Variants in CDK14 observed in about 807,000 individuals in gnomAD.
CDK14 encodes the protein cyclin dependent kinase 14.
CDK14 carries 34 observed loss-of-function variants against 60.7 expected under a neutral mutation model. That is an observed-to-expected ratio of 0.56 (90% CI 0.43 to 0.75). The LOEUF (loss-of-function observed/expected upper bound fraction) is 0.75. CDK14 is among the 30% of genes least tolerant of loss of function. The pLI is 0.00. For missense variants in CDK14, 482 were observed against 564.1 expected, an observed-to-expected ratio of 0.85 and a Z score of 1.47; for synonymous variants, 197 against 203.7, an observed-to-expected ratio of 0.97 and a Z score of 0.28.
chr7:91,188,130 C>A (rs1045161253), intron 14 of CDK14, among the ~76,000 whole-genome samples: 15 of 152,120 alleles, frequency 9.9e-5, no homozygotes, highest in African/African-American at 3.6e-4. Flanking sequence ...ACTTCTGTAC[C>A]ATCGCTATCT....
intron 9 of CDK14, among the ~76,000 whole-genome samples, chr7:90,971,150 G>T (rs932755005): frequency 8.7e-6 from 1 of 115,340 alleles, no homozygotes. Flanking sequence ...GTGAGAACAT[G>T]TGGTTTTTTT....
intron 2 of CDK14, among the ~76,000 whole-genome samples, chr7:90,623,695 T>C (rs1340639428): frequency 6.6e-6 from 1 of 152,200 alleles, no homozygotes; most frequent in Non-Finnish European, 1.5e-5. Flanking sequence ...ACTTTCCCCT[T>C]GAGCATCCTG....
At chr7:91,097,479 A>G (rs1799027177) in intron 12 of CDK14, among the ~76,000 whole-genome samples, 1 of 152,158 alleles carries the variant, frequency 6.6e-6, no homozygotes, top group Non-Finnish European at 1.5e-5. Flanking sequence ...GAGTTAATAT[A>G]TCTAATTGAT....
chr7:90,846,566 A>T (rs1347722697), intron 5 of CDK14, among the ~76,000 whole-genome samples: 1 of 152,150 alleles, frequency 6.6e-6, no homozygotes, highest in African/African-American at 2.4e-5. Flanking sequence ...CTAAAATGGG[A>T]AAAACATATC....
intron 14 of CDK14, among the ~76,000 whole-genome samples, chr7:91,124,686 T>G (rs1584095850): frequency 6.6e-6 from 1 of 152,122 alleles, no homozygotes; most frequent in South Asian, 2.1e-4. Context: ...GGAATAGCAC[T>G]TGCATCTTCT....
intron 11 of CDK14, among the ~76,000 whole-genome samples, chr7:91,052,967 A>C (rs1249974801): frequency 6.6e-6 from 1 of 152,096 alleles, no homozygotes; most frequent in Non-Finnish European, 1.5e-5. Context: ...GAATGTTTAC[A>C]TACGGACTTA....
chr7:91,012,514 T>G (rs1358509188), intron 10 of CDK14, among the ~76,000 whole-genome samples: 2 of 151,920 alleles, frequency 1.3e-5, no homozygotes, highest in African/African-American at 2.4e-5. Flanking sequence ...ACTCAGGGAG[T>G]TTTTCAGACT....
chr7:90,966,431 G>A lies in CDK14; in HGVS notation c.947+10614G>A, dbSNP rs563299707. 9.2e-5 allele frequency among the ~76,000 whole-genome samples: 14 copies of A among 152,282 alleles called. No individual in the cohort carries two copies. The East Asian group carries it at 2.7e-3, about 29-fold the overall frequency. On this transcript the variant is annotated intron_variant, in intron 9 of 14. Coordinates refer to ENST00000380050, the MANE Select transcript of CDK14 (RefSeq NM_001287135.2). ...CATAGAGCTAAACTTCTGGTTGGGAGATCCTCAGATGTCAGTATCTGAAGG... is the reference window on the plus strand; with the variant it reads ...CATAGAGCTAAACTTCTGGTTGGGAAATCCTCAGATGTCAGTATCTGAAGG...
At position 91,209,310 on chromosome 7, in the gene CDK14, T is replaced by C. The variant is rs1458751578; in HGVS notation, c.*2174T>C. The C allele has an allele frequency of 6.6e-6, 1 of 152,204 alleles. No individual in the cohort carries two copies. Among genetic ancestry groups the C allele is most frequent in the African/African-American group, 2.4e-5 (1 of 41,458 alleles). 9.4% of individuals were successfully genotyped at this position (152,204 alleles called of 1,614,324 possible). A position where few individuals can be genotyped will look rare whatever the true frequency, so the allele number is the denominator to read the frequency against. On this transcript the variant is annotated 3_prime_UTR_variant, in exon 15 of 15. Coordinates refer to ENST00000380050, the MANE Select transcript of CDK14 (RefSeq NM_001287135.2). ...ACTCAGTGGACGGAGAAATCTGTTT[T>C]GTTACAGAGACATGCCTCTCAGAAG...
chr7:91,087,231 A>G (rs1324791294), intron 12 of CDK14, among the ~76,000 whole-genome samples: 1 of 152,194 alleles, frequency 6.6e-6, no homozygotes, highest in African/African-American at 2.4e-5. Context: ...ATTTCTATTC[A>G]TTGTGAGGAT....
At chr7:90,734,849 C>T (rs1156252890) in intron 3 of CDK14, among the ~76,000 whole-genome samples, 1 of 152,102 alleles carries the variant, frequency 6.6e-6, no homozygotes, top group African/African-American at 2.4e-5. Context: ...GGTTTTGTTC[C>T]CCTGCTGGCG....
intron 5 of CDK14, among the ~76,000 whole-genome samples, chr7:90,829,722 AG>A (rs1033497216): frequency 2.0e-5 from 3 of 152,092 alleles, no homozygotes; most frequent in African/African-American, 7.2e-5. Flanking sequence ...TAGTAGAGAC[AG>A]GGTTTCACCA....
rs551361899 is a variant in CDK14 at position 90,928,494 on chromosome 7, AC to A, written c.826+10773del. Among the ~76,000 whole-genome samples the A allele has an allele frequency of 6.0e-4, 92 of 152,256 alleles. No homozygotes were observed. The Middle Eastern group carries it at 0.01, about 17-fold the overall frequency. On this transcript the variant is annotated intron_variant, in intron 8 of 14. Transcript: ENST00000380050. ...GGAGTTTGCTGGAGGTCCACTCCAGACCCTGTTTGCCTGGGTATCACCAGCG... is the reference window on the plus strand; with the variant it reads ...GGAGTTTGCTGGAGGTCCACTCCAGACCTGTTTGCCTGGGTATCACCAGCG...
intron 4 of CDK14, among the ~76,000 whole-genome samples, chr7:90,766,106 C>T (rs1169913890): frequency 6.6e-6 from 1 of 151,956 alleles, no homozygotes; most frequent in African/African-American, 2.4e-5. Context: ...AATTCAGGTA[C>T]ATCATGGAAC....
At chr7:90,629,726 TA>T (rs1799952005) in intron 2 of CDK14, among the ~76,000 whole-genome samples, 1 of 152,154 alleles carries the variant, frequency 6.6e-6, no homozygotes, top group Non-Finnish European at 1.5e-5. Context: ...TGTAATTACC[TA>T]AACCAAAAAC....
At chr7:90,741,668 A>G (rs1053882453) in intron 3 of CDK14, among the ~76,000 whole-genome samples, 2 of 152,204 alleles carry the variant, frequency 1.3e-5, no homozygotes, top group African/African-American at 2.4e-5. Context: ...TTACTATTTT[A>G]TGGAAGAGAT....
chr7:90,699,083 G>T (rs1477324545), intron 2 of CDK14, among the ~76,000 whole-genome samples: 2 of 152,216 alleles, frequency 1.3e-5, no homozygotes, highest in African/African-American at 4.8e-5. Context: ...AAAAGTGTTT[G>T]ATTTTTATGG....
chr7:91,179,175 T>G (rs1354069890), intron 14 of CDK14, among the ~76,000 whole-genome samples: 1 of 151,670 alleles, frequency 6.6e-6, no homozygotes, highest in African/African-American at 2.4e-5. Context: ...TATGCAGCCA[T>G]AAAAAATGAT....
intron 2 of CDK14, chr7:90,710,157 ACTCATGGGAGAGT>A: frequency 1.0e-6 from 1 of 985,254 alleles, no homozygotes. Flanking sequence ...ACTGGAGGTT[ACTCATGGGAGAGT>A]CTTTTGAGGC....
Sources: allele counts gnomAD v4.1 joint callset (sites outside exome capture counted in the v4.1 genomes callset), GRCh38; gene constraint gnomAD v4.1.1; transcripts MANE v1.5; gene names NCBI Gene and HGNC (gene_info 2026-07-23, HGNC 2026-07-21).